Variants in STXBP5L observed in about 807,000 individuals in gnomAD.
STXBP5L encodes the protein syntaxin binding protein 5L, also known as syntaxin-binding protein 5-like.
STXBP5L carries 65 observed loss-of-function variants against 144.5 expected under a neutral mutation model. The observed-to-expected ratio is 0.45, with a 90% CI of 0.37 to 0.55. The LOEUF is 0.55. STXBP5L is among the 20% of genes least tolerant of loss of function. STXBP5L has a pLI of 0.00. For missense variants in STXBP5L, 1,298 were observed against 1,405.5 expected (o/e 0.92, Z 1.22); for synonymous variants, 505 against 469.6 (o/e 1.08, Z -0.97).
intron 2 of STXBP5L, among the ~76,000 whole-genome samples, chr3:120,932,372 C>T (rs1206552691): frequency 6.6e-6 from 1 of 152,088 alleles, no homozygotes; most frequent in Non-Finnish European, 1.5e-5. Context: ...GATGTTATTT[C>T]CTCCATATAA....
intron 20 of STXBP5L, among the ~76,000 whole-genome samples, chr3:121,362,602 C>T (rs2045743996): frequency 1.3e-5 from 2 of 152,140 alleles, no homozygotes; most frequent in Non-Finnish European, 2.9e-5. Flanking sequence ...GTGAATGCTG[C>T]CTGGCCTGGG....
Position 121,268,732 on chromosome 3 carries a change from A to AT in STXBP5L, c.1958+9573dup, listed in dbSNP as rs200160031. Among the ~76,000 whole-genome samples the AT allele has an allele frequency of 3.2e-3, 488 of 151,134 alleles. 3 individuals carry two copies. Among genetic ancestry groups the AT allele is most frequent in the African/African-American group, 0.01 (430 of 41,190 alleles). ...CCACTTTCTAAACAATGAATTTTCT[A>AT]TTTTTTTTTCATTGTGAGATGCTAA... On this transcript the variant is annotated intron_variant, in intron 18 of 26. Transcript: ENST00000471454.
intron 20 of STXBP5L, 132 bp downstream of exon 20, chr3:121,318,672 G>A: frequency 3.7e-6 from 2 of 541,374 alleles, no homozygotes. Flanking sequence ...TAAATTTACT[G>A]TAAGCAAATT....
At chr3:120,922,479 A>G (rs930532413) in intron 2 of STXBP5L, among the ~76,000 whole-genome samples, 3 of 151,912 alleles carry the variant, frequency 2.0e-5, no homozygotes, top group Admixed American at 2.0e-4. Flanking sequence ...TAATTGCTAT[A>G]GTCAGGACTT....
intron 15 of STXBP5L, 63 bp downstream of exon 15, chr3:121,250,826 C>A: frequency 2.1e-6 from 3 of 1,416,042 alleles, no homozygotes; most frequent in Non-Finnish European, 1.9e-6. Context: ...AGCCAGCTAC[C>A]ACTTTTTAGT....
chr3:121,315,229 C>G (rs1316464795), intron 19 of STXBP5L, among the ~76,000 whole-genome samples: 1 of 152,100 alleles, frequency 6.6e-6, no homozygotes, highest in African/African-American at 2.4e-5. Flanking sequence ...AGACTTGGAA[C>G]CAACCCAAAT....
At chr3:121,191,287 T>C (rs12637208) in intron 9 of STXBP5L, among the ~76,000 whole-genome samples, 15,125 of 152,228 alleles carry the variant, frequency 0.099, 1,184 homozygotes, top group Admixed American at 0.2. Context: ...TCTGCAATCC[T>C]GGCACCTCGG....
intron 9 of STXBP5L, chr3:121,158,314 A>G (rs1445678385): frequency 1.3e-5 from 2 of 152,144 alleles, no homozygotes; most frequent in Non-Finnish European, 1.5e-5. Flanking sequence ...GATTATTTGT[A>G]ATAATAGATA....
At chr3:121,218,084 TAA>T (rs1280146013) in intron 10 of STXBP5L, among the ~76,000 whole-genome samples, 1 of 141,400 alleles carries the variant, frequency 7.1e-6, no homozygotes, top group Non-Finnish European at 1.5e-5. Flanking sequence ...GTATATAATA[TAA>T]TATATAGTAT....
chr3:120,910,746 G>A (rs1186185334), intron 2 of STXBP5L, among the ~76,000 whole-genome samples: 2 of 152,032 alleles, frequency 1.3e-5, no homozygotes, highest in African/African-American at 4.8e-5. Flanking sequence ...TATGTATAAT[G>A]AGGTATATTT....
chr3:120,990,921 C>A (rs1032331584), intron 3 of STXBP5L, among the ~76,000 whole-genome samples: 2 of 152,160 alleles, frequency 1.3e-5, no homozygotes, highest in East Asian at 1.9e-4. Flanking sequence ...TAGGCATGGG[C>A]AAGGACTTCA....
chr3:121,165,172 T>A (rs2046457159), intron 9 of STXBP5L, among the ~76,000 whole-genome samples: 1 of 152,208 alleles, frequency 6.6e-6, no homozygotes, highest in African/African-American at 2.4e-5. Flanking sequence ...CTTTTAAAAA[T>A]GAAGTGTTTC....
chr3:120,941,814 G>A (rs919812785), intron 2 of STXBP5L, among the ~76,000 whole-genome samples: 2 of 151,582 alleles, frequency 1.3e-5, no homozygotes, highest in Non-Finnish European at 3.0e-5. Context: ...GAACTTATTT[G>A]GGGAGACCAA....
intron 18 of STXBP5L, among the ~76,000 whole-genome samples, chr3:121,269,212 G>T (rs1265420630): frequency 1.3e-5 from 2 of 151,852 alleles, no homozygotes; most frequent in African/African-American, 4.9e-5. Flanking sequence ...ATCCTGGTTG[G>T]CCGAAGTCTA....
At chr3:121,106,187 T>C in intron 5 of STXBP5L, among the ~76,000 whole-genome samples, 1 of 152,264 alleles carries the variant, frequency 6.6e-6, no homozygotes, top group Non-Finnish European at 1.5e-5. Flanking sequence ...GTCTCTCCTG[T>C]TAGATAGTAT....
chr3:120,989,825 A>G (rs955288770), intron 3 of STXBP5L, among the ~76,000 whole-genome samples: 2 of 151,892 alleles, frequency 1.3e-5, no homozygotes, highest in African/African-American at 2.4e-5. Flanking sequence ...ACTCTACCTA[A>G]TATCCATATA....
intron 22 of STXBP5L, among the ~76,000 whole-genome samples, chr3:121,386,753 C>T (rs554688549): frequency 2.0e-5 from 3 of 152,228 alleles, no homozygotes; most frequent in East Asian, 1.9e-4. Flanking sequence ...TTTATGGCTG[C>T]GTAGTATTAC....
At chr3:121,077,510 C>T (rs987225486) in intron 5 of STXBP5L, among the ~76,000 whole-genome samples, 3 of 152,054 alleles carry the variant, frequency 2.0e-5, no homozygotes, top group Non-Finnish European at 2.9e-5. Flanking sequence ...AGTGTGGACC[C>T]AAAGAGTGAG....
chr3:121,306,368 C>G (rs2043337895), intron 19 of STXBP5L, among the ~76,000 whole-genome samples: 1 of 152,094 alleles, frequency 6.6e-6, no homozygotes, highest in African/African-American at 2.4e-5. Context: ...AATGACAGGA[C>G]AGAAGCTCTA....
Sources: allele counts gnomAD v4.1 joint callset (sites outside exome capture counted in the v4.1 genomes callset), GRCh38; gene constraint gnomAD v4.1.1; transcripts MANE v1.5; gene names NCBI Gene and HGNC (gene_info 2026-07-23, HGNC 2026-07-21).